The following CTNNA2 variants were observed in gnomAD, a reference collection of about 807,000 sequenced individuals.
CTNNA2 encodes catenin alpha 2.
CTNNA2 carries 42 observed loss-of-function variants against 101.0 expected under a neutral mutation model. The observed-to-expected ratio is 0.42, with a 90% CI of 0.32 to 0.54. The LOEUF is 0.54. Among genes scored for constraint, CTNNA2 ranks in the 20% least tolerant of loss-of-function variants. CTNNA2 has a pLI of 0.14. For synonymous variants in CTNNA2, 450 were observed against 456.4 expected (o/e 0.99, Z 0.18); for missense variants, 871 against 1,223.1 (o/e 0.71, Z 4.29).
In CTNNA2 at chr2:80,547,690, C is replaced by CTTTTTTTTTTTTTT. The variant is rs61186189; in HGVS notation, c.1540+1630_1540+1643dup. 5.2e-4 allele frequency among the ~76,000 whole-genome samples: 65 copies of CTTTTTTTTTTTTTT among 124,298 alleles called. 11 individuals carry two copies. Among genetic ancestry groups the CTTTTTTTTTTTTTT allele is most frequent in the African/African-American group, 1.1e-3 (31 of 29,364 alleles). The allele number at this position is 124,298 out of a possible 152,430, so 81.5% of individuals were successfully genotyped here. Reference sequence around the variant, plus strand: ...AGAACTCAATATATTGTCACTTCTGCTTTTTTTTTTTTTTTTGAGATGGAG... The same window carrying CTTTTTTTTTTTTTT: ...AGAACTCAATATATTGTCACTTCTGCTTTTTTTTTTTTTTTTTTTTTTTTTTTTTTGAGATGGAG... On this transcript the variant is annotated intron_variant, in intron 11 of 18. Coordinates refer to ENST00000402739, the MANE Select transcript of CTNNA2 (RefSeq NM_001282597.3).
chr2:79,603,387 T>C (rs1363110649), intron 1 of CTNNA2, among the ~76,000 whole-genome samples: 1 of 152,188 alleles, frequency 6.6e-6, no homozygotes, highest in East Asian at 1.9e-4. Context: ...GGGAAAATGG[T>C]GTATTCAGTT....
At chr2:79,619,424 T>C (rs1678853629) in intron 1 of CTNNA2, among the ~76,000 whole-genome samples, 1 of 152,228 alleles carries the variant, frequency 6.6e-6, no homozygotes, top group Non-Finnish European at 1.5e-5. Context: ...GCTTTAATAA[T>C]TCCTGAAGAA....
chr2:80,385,027 TG>T (rs1676870032), intron 7 of CTNNA2, among the ~76,000 whole-genome samples: 1 of 152,018 alleles, frequency 6.6e-6, no homozygotes, highest in South Asian at 2.1e-4. Flanking sequence ...GGAGGCCAAG[TG>T]TGTCATTCAT....
chr2:80,411,474 C>A (rs1281344653), intron 8 of CTNNA2, among the ~76,000 whole-genome samples: 1 of 152,142 alleles, frequency 6.6e-6, no homozygotes, highest in African/African-American at 2.4e-5. Context: ...CACAGGGGCT[C>A]TTCTTCTTTT....
chr2:80,272,361 A>T (rs2094015247), intron 7 of CTNNA2, among the ~76,000 whole-genome samples: 1 of 152,236 alleles, frequency 6.6e-6, no homozygotes, highest in African/African-American at 2.4e-5. Flanking sequence ...ACTATACCAA[A>T]TAATTTGGAA....
intron 4 of CTNNA2, among the ~76,000 whole-genome samples, chr2:79,487,088 A>G (rs1411776928): frequency 1.3e-5 from 2 of 152,214 alleles, no homozygotes; most frequent in Admixed American, 6.5e-5. Context: ...ATTTAGCCCT[A>G]TAATTCCAAA....
intron 7 of CTNNA2, among the ~76,000 whole-genome samples, chr2:80,155,105 G>A (rs562775544): frequency 6.6e-6 from 1 of 152,238 alleles, no homozygotes; most frequent in South Asian, 2.1e-4. Context: ...ATCTGCTTCT[G>A]CATTTAATCT....
intron 2 of CTNNA2, among the ~76,000 whole-genome samples, chr2:79,670,283 C>T (rs548166868): frequency 6.6e-6 from 1 of 152,288 alleles, no homozygotes; most frequent in South Asian, 2.1e-4. Context: ...CAGATCCTGC[C>T]CATTCCTCAC....
intron 6 of CTNNA2, among the ~76,000 whole-genome samples, chr2:79,899,419 G>A (rs1336765198): frequency 6.6e-6 from 1 of 152,156 alleles, no homozygotes; most frequent in African/African-American, 2.4e-5. Context: ...TAGGGAAAAT[G>A]AAGTTGGCAT....
At chr2:80,614,422 G>A (rs567612969) in intron 17 of CTNNA2, among the ~76,000 whole-genome samples, 1 of 151,472 alleles carries the variant, frequency 6.6e-6, no homozygotes, top group Non-Finnish European at 1.5e-5. Context: ...ACAGGAGGAT[G>A]TGTGTAGGTT....
chr2:80,313,027 A>G lies in CTNNA2; in HGVS notation c.1057-80184A>G, dbSNP rs150607546. Among the ~76,000 whole-genome samples the G allele has an allele frequency of 4.9e-3, 746 of 152,350 alleles. 2 individuals are homozygous for G. The highest frequency in any genetic ancestry group is 8.7e-3 in the Non-Finnish European group (591 of 68,036). On this transcript the variant is annotated intron_variant, in intron 7 of 18. Coordinates refer to ENST00000402739, the MANE Select transcript of CTNNA2 (RefSeq NM_001282597.3). ...TGCTTGCCTAATCAATAGCCTGTGG[A>G]ATCTAAATTAAATATAAAAACCTCT...
At chr2:79,840,600 G>T (rs1257334155) in intron 3 of CTNNA2, among the ~76,000 whole-genome samples, 1 of 152,022 alleles carries the variant, frequency 6.6e-6, no homozygotes, top group African/African-American at 2.4e-5. Flanking sequence ...TATTATAAGA[G>T]ATATTATTTT....
intron 7 of CTNNA2, among the ~76,000 whole-genome samples, chr2:79,936,509 A>G (rs1307424256): frequency 6.7e-6 from 1 of 149,206 alleles, no homozygotes; most frequent in Non-Finnish European, 1.5e-5. Flanking sequence ...TTCGAGTGCC[A>G]CCATCTAGTG....
At chr2:79,726,892 G>A (rs1188024954) in intron 2 of CTNNA2, among the ~76,000 whole-genome samples, 1 of 152,152 alleles carries the variant, frequency 6.6e-6, no homozygotes, top group African/African-American at 2.4e-5. Context: ...ATTTGTTATT[G>A]TTGGTTAAAA....
chr2:80,555,696 A>G lies in CTNNA2; in HGVS notation c.1544A>G (p.Asn515Ser). Residue 515 changes from asparagine to serine, a missense_variant, in exon 12 of 19, where the codon AAT becomes AGT. Asn to Ser is a conservative substitution (Grantham distance 46, BLOSUM62 1). This residue lies in a region of CTNNA2 where 647 missense variants were observed against 831.5 expected (regional missense o/e 0.78). Coordinates refer to ENST00000402739, the MANE Select transcript of CTNNA2 (RefSeq NM_001282597.3). ...TGTGTATGTGTCCTCTCCATAGAAA[A>G]TCACATCTTGGAGGATGTGAACAAG... is the stretch of plus-strand genomic sequence containing the variant. ...SVDDFLSVSE[N>S]HILEDVNKCV... 6.6e-7 allele frequency: 1 copy of G among 1,504,162 alleles called. No individual in the cohort carries two copies. The highest frequency in any genetic ancestry group is 8.9e-7 in the Non-Finnish European group (1 of 1,122,204). 93.2% of individuals were successfully genotyped at this position (1,504,162 alleles called of 1,614,324 possible). A position where few individuals can be genotyped will look rare whatever the true frequency, so the allele number is the denominator to read the frequency against.
At position 79,244,012 on chromosome 2, in the gene CTNNA2, C is replaced by T. The variant is rs76913857; in HGVS notation, c.-406+45936C>T. 3.5e-3 allele frequency among the ~76,000 whole-genome samples: 528 copies of T among 152,212 alleles called. 12 individuals carry two copies. In the East Asian group the frequency reaches 0.061, roughly 18 times the overall value. The stretch of plus-strand genomic sequence containing the variant: ...ATGTGGCAAGAGGGTGATGTTAACC[C>T]TGGCACCCTCTGAGGCACTAATTTC... On this transcript the variant is annotated intron_variant, in intron 2 of 21. Coordinates refer to the CTNNA2 transcript ENST00000466387.
intron 12 of CTNNA2, among the ~76,000 whole-genome samples, chr2:80,560,515 A>G (rs112683297): frequency 0.014 from 2,138 of 152,216 alleles, 58 homozygotes; most frequent in African/African-American, 0.047. Flanking sequence ...TATATGCATC[A>G]CTGTTTCTGG....
chr2:80,219,686 G>A (rs955382704), intron 7 of CTNNA2, among the ~76,000 whole-genome samples: 1 of 151,530 alleles, frequency 6.6e-6, no homozygotes, highest in African/African-American at 2.4e-5. Flanking sequence ...CTTTAGAAAG[G>A]GTTTGATTAA....
intron 2 of CTNNA2, among the ~76,000 whole-genome samples, chr2:79,249,058 C>T (rs1326334293): frequency 1.3e-5 from 2 of 152,108 alleles, no homozygotes; most frequent in South Asian, 2.1e-4. Context: ...AATTTGAAGT[C>T]CCATCTCTTC....
Sources: gnomAD v4.1 joint callset for allele counts (sites outside exome capture counted in the v4.1 genomes callset) on GRCh38, gnomAD v4.1.1 for gene constraint, gnomAD v4.1.1 regional missense constraint, MANE v1.5 for transcripts, NCBI Gene and HGNC (gene_info 2026-07-23, HGNC 2026-07-21) for gene names.